The following ACTA2 variants were observed in gnomAD, a reference collection of about 807,000 sequenced individuals.
ACTA2 encodes actin alpha 2, smooth muscle, also known as actin, aortic smooth muscle.
ACTA2 carries 12 observed loss-of-function variants against 39.5 expected under a neutral mutation model. That is an observed-to-expected ratio of 0.30 (90% confidence interval 0.19 to 0.49). The LOEUF is 0.49. ACTA2 is among the 20% of genes least tolerant of loss of function. ACTA2 has a pLI of 0.99. For missense variants in ACTA2, 236 were observed against 498.8 expected, an observed-to-expected ratio of 0.47 and a Z score of 5.02; for synonymous variants, 158 against 180.6, an observed-to-expected ratio of 0.88 and a Z score of 1.00.
At chr10:88,978,900 A>G (rs1025542169) in intron 1 of ACTA2, among the ~76,000 whole-genome samples, 7 of 151,268 alleles carry the variant, frequency 4.6e-5, no homozygotes, top group Admixed American at 1.3e-4. Flanking sequence ...TATTATTATT[A>G]TTATATTATT....
intron 1 of ACTA2, among the ~76,000 whole-genome samples, chr10:88,964,840 C>A (rs918759469): frequency 2.0e-5 from 3 of 152,092 alleles, no homozygotes; most frequent in Admixed American, 6.6e-5. Flanking sequence ...AAGGAGGCAC[C>A]CGTTCTGCTG....
intron 1 of ACTA2, among the ~76,000 whole-genome samples, chr10:88,970,212 G>A (rs1426896611): frequency 2.6e-5 from 4 of 152,156 alleles, no homozygotes; most frequent in African/African-American, 7.2e-5. Flanking sequence ...CATAGGCAAA[G>A]TCACTACCCT....
chr10:88,990,610 A>G lies in ACTA2; in HGVS notation c.-24+329T>C, dbSNP rs1269978631. 1 of 683,890 alleles carries G rather than the reference A, an allele frequency of 1.5e-6. No homozygotes were observed. Among genetic ancestry groups the G allele is most frequent in the Non-Finnish European group, 2.7e-6 (1 of 374,614 alleles). 42.4% of individuals were successfully genotyped at this position (683,890 alleles called of 1,614,324 possible). A position where few individuals can be genotyped will look rare whatever the true frequency, so the allele number is the denominator to read the frequency against. On this transcript the variant is annotated intron_variant, in intron 1 of 4. Transcript: ENST00000415557. This position sits in a 1 kb window ranked among gnomAD's most constrained non-coding sequence, Gnocchi z 4.9. ...CGTTCCCCAGCGAGGCTTCCTTCCC[A>G]TCCTCCTGACCACCGGGGCTTTTCG...
At chr10:88,985,705 C>G (rs1010188965) in intron 1 of ACTA2, among the ~76,000 whole-genome samples, 3 of 152,224 alleles carry the variant, frequency 2.0e-5, no homozygotes, top group Admixed American at 6.5e-5. Context: ...ACTGCCCCTC[C>G]CTCATGCTGT....
At chr10:88,981,502 T>A (rs6586161) in intron 1 of ACTA2, among the ~76,000 whole-genome samples, 40,207 of 151,910 alleles carry the variant, frequency 0.26, 7,313 homozygotes, top group African/African-American at 0.5. Context: ...AGGTCTAGAC[T>A]AGTATCCGTG....
At chr10:88,941,578 G>C (rs1489799497) in intron 5 of ACTA2, among the ~76,000 whole-genome samples, 188 bp from the exon 6 acceptor site, 1 of 152,142 alleles carries the variant, frequency 6.6e-6, no homozygotes, top group Non-Finnish European at 1.5e-5. Flanking sequence ...GTAAAGAACA[G>C]GAAGAGGAAA....
chr10:88,968,207 A>G (rs1220953427), intron 1 of ACTA2, among the ~76,000 whole-genome samples: 2 of 152,236 alleles, frequency 1.3e-5, no homozygotes, highest in Admixed American at 1.3e-4. Flanking sequence ...AATGTTACGT[A>G]TAGACATCCT....
intron 1 of ACTA2, among the ~76,000 whole-genome samples, chr10:88,972,465 T>C (rs1846469308): frequency 2.6e-5 from 4 of 152,232 alleles, no homozygotes. Flanking sequence ...CAGTTCGATT[T>C]AGATTTACTG....
chr10:88,974,725 AAG>A (rs1308172208), intron 1 of ACTA2: 1 of 152,198 alleles, frequency 6.6e-6, no homozygotes, highest in African/African-American at 2.4e-5. Flanking sequence ...TAGTTCACTT[AAG>A]ACTTTGTTTG....
At position 88,943,802 on chromosome 10, in the gene ACTA2, T is replaced by G; in HGVS notation, c.364A>C (p.Thr122Pro). The G allele has an allele frequency of 6.2e-7, 1 of 1,613,160 alleles. No individual in the cohort carries two copies. Among genetic ancestry groups the G allele is most frequent in the Non-Finnish European group, 8.5e-7 (1 of 1,179,234 alleles). Residue 122 changes from threonine to proline, a missense_variant, in exon 4 of 9, where the codon ACT (threonine) becomes CCT (proline). Transcript: ENST00000224784. ...LNPKANREKM[T>P]QIMFETFNVP... Reference sequence around the variant, plus strand: ...TGCTGGGGTAGCATACTTACTTGAGTCATTTTCTCCCGGTTGGCCTTGGGG... The same window carrying G: ...TGCTGGGGTAGCATACTTACTTGAGGCATTTTCTCCCGGTTGGCCTTGGGG...
Position 88,990,083 on chromosome 10 carries a change from C to T in ACTA2, c.-24+856G>A, listed in dbSNP as rs968763995. Among the ~76,000 whole-genome samples the T allele has an allele frequency of 6.6e-6, 1 of 152,144 alleles. No homozygotes were observed. Among genetic ancestry groups the T allele is most frequent in the Non-Finnish European group, 1.5e-5 (1 of 68,020 alleles). On this transcript the variant is annotated intron_variant, in intron 1 of 4. Transcript: ENST00000415557. The surrounding 1 kb of genome is among the most constrained non-coding windows in gnomAD (Gnocchi z 4.9). ...AATGTTTAATATAGCTGGGGCTATG[C>T]GATTTGGCTTAAGTTGTTAGCTTTG...
intron 1 of ACTA2, among the ~76,000 whole-genome samples, chr10:88,976,552 C>G (rs1385063606): frequency 6.6e-6 from 1 of 152,098 alleles, no homozygotes; most frequent in Non-Finnish European, 1.5e-5. Flanking sequence ...TTTTGTAGTT[C>G]TATAGCAAAA....
chr10:88,957,733 GCT>G (rs1846160646), upstream of ACTA2, among the ~76,000 whole-genome samples: 2 of 151,900 alleles, frequency 1.3e-5, no homozygotes, highest in African/African-American at 4.8e-5. Context: ...CCTAAACTCA[GCT>G]TAAGTATCCC....
At chr10:88,935,544 A>G (rs1845720888) in intron 8 of ACTA2, 178 bp from the exon 9 acceptor site, 2 of 642,794 alleles carry the variant, frequency 3.1e-6, no homozygotes, top group Admixed American at 2.5e-5. Flanking sequence ...CAGGACCGCC[A>G]GAGGGAGCCA....
chr10:88,955,024 AAAAAAAAAAG>A (rs1846113184), upstream of ACTA2, among the ~76,000 whole-genome samples: 6 of 151,564 alleles, frequency 4.0e-5, 1 homozygote, highest in African/African-American at 1.4e-4. Flanking sequence ...CACAAAAAAA[AAAAAAAAAAG>A]AAGAAGAAGG....
chr10:88,968,672 C>T (rs1846366496), intron 1 of ACTA2, among the ~76,000 whole-genome samples: 1 of 152,268 alleles, frequency 6.6e-6, no homozygotes, highest in East Asian at 1.9e-4. Context: ...TAAGGGAAGG[C>T]AGCTTCTGAA....
chr10:88,957,018 C>T (rs1846148439), upstream of ACTA2, among the ~76,000 whole-genome samples: 1 of 152,190 alleles, frequency 6.6e-6, no homozygotes, highest in Non-Finnish European at 1.5e-5. Context: ...CCTCATCTCT[C>T]AACACTGTTG....
rs533870255 is a variant in ACTA2, at chr10:88,946,974, G to A, written c.258+284C>T. 8.4e-5 allele frequency: 22 copies of A among 261,398 alleles called. No homozygotes were observed. The East Asian group carries it at 2.0e-3, about 24-fold the overall frequency. 16.2% of individuals were successfully genotyped at this position (261,398 alleles called of 1,614,324 possible). Reference sequence around the variant, plus strand: ...TTCTCGTTGTTCAATTCCCACCTATGAGTGAGAACATGCGGTGTTTGGTTT... The same window carrying A: ...TTCTCGTTGTTCAATTCCCACCTATAAGTGAGAACATGCGGTGTTTGGTTT... On this transcript the variant is annotated intron_variant, in intron 3 of 8. Transcript: ENST00000224784.
intron 1 of ACTA2, among the ~76,000 whole-genome samples, chr10:88,979,995 C>T (rs545626161): frequency 1.2e-4 from 18 of 152,308 alleles, no homozygotes; most frequent in Admixed American, 2.6e-4. Flanking sequence ...AAAAAGGCAA[C>T]GCTAATTTGC....
Sources: allele counts gnomAD v4.1 joint callset (sites outside exome capture counted in the v4.1 genomes callset), GRCh38; gene constraint gnomAD v4.1.1; non-coding constraint Gnocchi (gnomAD v3.1); transcripts MANE v1.5; gene names NCBI Gene and HGNC (gene_info 2026-07-23, HGNC 2026-07-21).